The following NT5C2 variants were observed in gnomAD, a reference collection of about 807,000 sequenced individuals.
NT5C2 encodes cytosolic purine 5'-nucleotidase.
A neutral mutation model predicts 76.1 loss-of-function variants in NT5C2; 58 were observed. The ratio of observed to expected loss-of-function variants is 0.76; its 90% CI spans 0.62 to 0.95. The LOEUF is 0.95. Among genes scored for constraint, NT5C2 ranks in the 40% least tolerant of loss-of-function variants. NT5C2 has a pLI of 0.00. For synonymous variants in NT5C2, 229 were observed against 237.4 expected (o/e 0.96, Z 0.32); for missense variants, 478 against 690.3 (o/e 0.69, Z 3.45).
In NT5C2 at chr10:103,089,233, T is replaced by G. The variant is rs947881385; in HGVS notation, c.*439A>C. On this transcript the variant is annotated 3_prime_UTR_variant, in exon 19 of 19. Transcript: ENST00000404739. ...GAAATAATACATTTCTCCACTGATA[T>G]ACAATACCATGTAATGCACTGGAAA... 3 of 221,566 alleles carry G rather than the reference T, an allele frequency of 1.4e-5. No individual in the cohort carries two copies. Among genetic ancestry groups the G allele is most frequent in the Non-Finnish European group, 2.7e-5 (3 of 111,086 alleles). 13.7% of individuals were successfully genotyped at this position (221,566 alleles called of 1,614,324 possible).
At chr10:103,098,422 T>C (rs970208737) in intron 10 of NT5C2, 1 of 206,330 alleles carries the variant, frequency 4.8e-6, no homozygotes, top group Admixed American at 6.0e-5. Flanking sequence ...ATGCACATTT[T>C]TGAGATGATC....
chr10:103,135,939 T>G (rs1218756189), intron 4 of NT5C2, among the ~76,000 whole-genome samples: 1 of 151,018 alleles, frequency 6.6e-6, no homozygotes, highest in Non-Finnish European at 1.5e-5. Flanking sequence ...ACAAAAAACT[T>G]AGCTGGGTGT....
chr10:103,102,311 TATGTGC>T (rs1212717701), intron 6 of NT5C2, among the ~76,000 whole-genome samples: 3 of 152,154 alleles, frequency 2.0e-5, no homozygotes, highest in African/African-American at 7.2e-5. Flanking sequence ...CATGGACTAC[TATGTGC>T]ATGACAGTGA....
At chr10:103,178,294 T>C (rs1302454067) in intron 2 of NT5C2, among the ~76,000 whole-genome samples, 1 of 152,180 alleles carries the variant, frequency 6.6e-6, no homozygotes, top group Non-Finnish European at 1.5e-5. Flanking sequence ...ATGCCTATAA[T>C]CCCATCACTT....
At chr10:103,099,046 A>G (rs1033171639) in intron 9 of NT5C2, 62 bp from the exon 10 acceptor site, 4 of 1,347,124 alleles carry the variant, frequency 3.0e-6, no homozygotes, top group Non-Finnish European at 4.2e-6. Flanking sequence ...CATGTAGTTT[A>G]TAAGAAAAAT....
intron 4 of NT5C2, among the ~76,000 whole-genome samples, chr10:103,133,661 C>T (rs891225054): frequency 6.6e-6 from 1 of 152,142 alleles, no homozygotes; most frequent in African/African-American, 2.4e-5. Context: ...GAGTGGAGCA[C>T]TGCTGAAAAG....
rs566480385 is a variant in NT5C2, at chr10:103,116,579, T to G, written c.176-9873A>C. On this transcript the variant is annotated intron_variant, in intron 4 of 18. Transcript: ENST00000404739. The stretch of plus-strand genomic sequence containing the variant: ...GGGCTGCTTCAGATTTTTTTCTTTT[T>G]TTTTTTTCTTTTTTTTTTTTTGCTC... 2.3e-5 allele frequency among the ~76,000 whole-genome samples: 3 copies of G among 132,522 alleles called. No homozygotes were observed. In the South Asian group the frequency reaches 6.9e-4, roughly 31 times the overall value. The allele number at this position is 132,522 out of a possible 152,430, so 86.9% of individuals were successfully genotyped here.
chr10:103,153,548 A>C, intron 3 of NT5C2: 1 of 985,388 alleles, frequency 1.0e-6, no homozygotes, highest in South Asian at 4.7e-5. Context: ...AAAATAACTA[A>C]TGGCCTGAAC....
chr10:103,101,176 A>G lies in NT5C2; in HGVS notation c.481+59T>C, dbSNP rs41287482. Reference sequence around the variant, plus strand: ...ACTTATTTCATTACCTCCCTTGAATACAGACTAATGGTCACAGAAGGGAAA... The same window carrying G: ...ACTTATTTCATTACCTCCCTTGAATGCAGACTAATGGTCACAGAAGGGAAA... On this transcript the variant is annotated intron_variant, in intron 7 of 18. Coordinates refer to ENST00000404739, the MANE Select transcript of NT5C2 (RefSeq NM_001351169.2). 19,748 of 1,409,854 alleles carry G rather than the reference A, an allele frequency of 0.014. 187 individuals carry two copies. The highest frequency in any genetic ancestry group is 0.017 in the Non-Finnish European group (16,888 of 995,234). The allele number at this position is 1,409,854 out of a possible 1,614,324, so 87.3% of individuals were successfully genotyped here. A position where few individuals can be genotyped will look rare whatever the true frequency, so the allele number is the denominator to read the frequency against.
chr10:103,100,523 T>C (rs1590779230), intron 8 of NT5C2: 2 of 370,812 alleles, frequency 5.4e-6, no homozygotes, highest in East Asian at 1.5e-4. Flanking sequence ...ATGGCTAAAC[T>C]TTCAGTATTG....
At chr10:103,152,452 T>C (rs2082569009) in intron 3 of NT5C2, among the ~76,000 whole-genome samples, 1 of 152,166 alleles carries the variant, frequency 6.6e-6, no homozygotes, top group Non-Finnish European at 1.5e-5. Flanking sequence ...AATCAATACA[T>C]GATTAGATTA....
intron 4 of NT5C2, among the ~76,000 whole-genome samples, chr10:103,111,347 G>C (rs1590930856): frequency 2.6e-5 from 4 of 152,286 alleles, no homozygotes; most frequent in African/African-American, 9.6e-5. Context: ...TCAGCCACTA[G>C]GACAGCACAC....
At chr10:103,101,937 A>G (rs981826365) in intron 6 of NT5C2, among the ~76,000 whole-genome samples, 1 of 152,150 alleles carries the variant, frequency 6.6e-6, no homozygotes, top group Admixed American at 6.5e-5. Flanking sequence ...GGGAGCAGAG[A>G]AAAATTAAGC....
intron 1 of NT5C2, among the ~76,000 whole-genome samples, chr10:103,186,837 C>T (rs1046547937): frequency 6.0e-5 from 9 of 150,138 alleles, no homozygotes; most frequent in African/African-American, 2.0e-4. Context: ...AGCTTGAACC[C>T]GGGAGATGGA....
At chr10:103,111,605 G>T in intron 4 of NT5C2, 1 of 498,256 alleles carries the variant, frequency 2.0e-6, no homozygotes, top group Non-Finnish European at 3.1e-6. Flanking sequence ...TTTCTGCAGA[G>T]AAGTTTGGAA....
chr10:103,104,481 TAA>T (rs781509400), intron 6 of NT5C2, among the ~76,000 whole-genome samples: 4 of 152,252 alleles, frequency 2.6e-5, no homozygotes, highest in Non-Finnish European at 5.9e-5. Flanking sequence ...TAAAATAGCT[TAA>T]GTTACTAGTA....
At chr10:103,166,084 A>T (rs1325161044) in intron 3 of NT5C2, among the ~76,000 whole-genome samples, 1 of 152,262 alleles carries the variant, frequency 6.6e-6, no homozygotes, top group East Asian at 1.9e-4. Flanking sequence ...AGTGTCCCCC[A>T]ATGGGGAAAT....
chr10:103,140,968 T>C (rs2080303413), intron 3 of NT5C2, among the ~76,000 whole-genome samples: 1 of 152,204 alleles, frequency 6.6e-6, no homozygotes, highest in Non-Finnish European at 1.5e-5. Context: ...TCCCAATCCA[T>C]AGGCTGCCTT....
At chr10:103,142,923 A>G (rs1407511061) in intron 3 of NT5C2, among the ~76,000 whole-genome samples, 1 of 147,294 alleles carries the variant, frequency 6.8e-6, no homozygotes, top group Non-Finnish European at 1.5e-5. Context: ...CGGGAGGCAG[A>G]GGTTGCCGTG....
Sources: gnomAD v4.1 joint callset for allele counts (sites outside exome capture counted in the v4.1 genomes callset) on GRCh38, gnomAD v4.1.1 for gene constraint, MANE v1.5 for transcripts, NCBI Gene and HGNC (gene_info 2026-07-23, HGNC 2026-07-21) for gene names.